RBFOX1: variants seen among roughly 807,000 people sequenced by gnomAD.
The protein encoded by RBFOX1 is RNA binding protein fox-1 homolog 1.
In RBFOX1, 8 loss-of-function variants were observed where a neutral mutation model predicts 57.7. That is an observed-to-expected ratio of 0.14 (90% CI 0.08 to 0.25). The LOEUF (loss-of-function observed/expected upper bound fraction) is 0.25, where lower values mean the gene tolerates loss of function less well. RBFOX1 is among the 10% of genes least tolerant of loss of function. RBFOX1 has a pLI of 1.00. For missense variants in RBFOX1, 611 were observed against 548.5 expected, an observed-to-expected ratio of 1.11 and a Z score of -1.14; for synonymous variants, 326 against 222.4, an observed-to-expected ratio of 1.47 and a Z score of -4.15.
chr16:7,339,585 A>G (rs944613145), intron 4 of RBFOX1, among the ~76,000 whole-genome samples: 3 of 152,116 alleles, frequency 2.0e-5, no homozygotes, highest in Admixed American at 6.6e-5. Flanking sequence ...GACCGTGGGC[A>G]TGCACCACCA....
chr16:7,160,842 C>CT (rs2078180754), intron 4 of RBFOX1, among the ~76,000 whole-genome samples: 1 of 150,144 alleles, frequency 6.7e-6, no homozygotes, highest in Admixed American at 6.7e-5. Context: ...CTCCTTCCTC[C>CT]TCCTCCTCCT....
chr16:7,451,504 A>C (rs989536687), intron 4 of RBFOX1, among the ~76,000 whole-genome samples: 1 of 152,088 alleles, frequency 6.6e-6, no homozygotes, highest in Admixed American at 6.6e-5. Context: ...TGGCAACTTC[A>C]TGTATCAACT....
intron 2 of RBFOX1, among the ~76,000 whole-genome samples, chr16:6,372,697 T>C (rs1468595017): frequency 1.3e-5 from 2 of 151,298 alleles, no homozygotes; most frequent in Non-Finnish European, 2.9e-5. Flanking sequence ...GATCTTTGGA[T>C]AGGAGGATAG....
chr16:5,680,325 T>C (rs1006848302), intron 3 of RBFOX1, among the ~76,000 whole-genome samples: 1 of 152,208 alleles, frequency 6.6e-6, no homozygotes, highest in Non-Finnish European at 1.5e-5. Flanking sequence ...GAAAAAAATC[T>C]TCACTTTGCG....
rs74004444 is a variant in RBFOX1, at chr16:5,637,801, G to A, written c.318+38840G>A. On this transcript the variant is annotated intron_variant, in intron 3 of 19. Transcript: ENST00000641259. ...TGAAGACCACCCTCCCTGGTAGTGT[G>A]GTGAGGAGGGAGGGCCACAGGGCTT... 7.1e-3 allele frequency among the ~76,000 whole-genome samples: 1,078 copies of A among 152,176 alleles called. 9 individuals are homozygous for A. The highest frequency in any genetic ancestry group is 0.025 in the African/African-American group (1,034 of 41,518).
Position 6,119,405 on chromosome 16 carries a change from A to G in RBFOX1, c.-127+99413A>G, listed in dbSNP as rs75547074. Among the ~76,000 whole-genome samples, 35 of 152,272 alleles carry G rather than the reference A, an allele frequency of 2.3e-4. No homozygotes were observed. The East Asian group carries it at 6.4e-3, about 28-fold the overall frequency. Reference sequence around the variant, plus strand: ...ATGTCTTTATATCTTATTACTAGTGATATTAGCCTTGATCACTTAGTTGAG... The same window carrying G: ...ATGTCTTTATATCTTATTACTAGTGGTATTAGCCTTGATCACTTAGTTGAG... On this transcript the variant is annotated intron_variant, in intron 1 of 15. Transcript: ENST00000550418.
intron 3 of RBFOX1, among the ~76,000 whole-genome samples, chr16:7,044,325 G>T (rs183520750): frequency 6.6e-6 from 1 of 152,334 alleles, no homozygotes; most frequent in African/African-American, 2.4e-5. Flanking sequence ...AGTCTGATGT[G>T]TGGGAGAGAA....
intron 2 of RBFOX1, among the ~76,000 whole-genome samples, chr16:6,582,924 T>TCTCCC (rs940442041): frequency 4.6e-5 from 7 of 150,988 alleles, no homozygotes; most frequent in African/African-American, 1.7e-4. Context: ...TTGCAATTTT[T>TCTCCC]CTCCCCTCCC....
chr16:7,207,917 C>G (rs1392513376), intron 4 of RBFOX1, among the ~76,000 whole-genome samples: 3 of 152,144 alleles, frequency 2.0e-5, no homozygotes, highest in Non-Finnish European at 2.9e-5. Flanking sequence ...CAGGGTGCAT[C>G]CTCTCCTTCC....
intron 1 of RBFOX1, among the ~76,000 whole-genome samples, chr16:5,465,352 A>C (rs372633858): frequency 8.8e-4 from 134 of 151,878 alleles, no homozygotes; most frequent in African/African-American, 3.0e-3. Context: ...GGCCCAGTCT[A>C]ACAGCCTCAT....
At chr16:7,601,141 A>T (rs1378356842) in intron 9 of RBFOX1, among the ~76,000 whole-genome samples, 2 of 152,128 alleles carry the variant, frequency 1.3e-5, no homozygotes, top group African/African-American at 4.8e-5. Flanking sequence ...GAAGGATGAA[A>T]ATGGGGCAAA....
intron 2 of RBFOX1, among the ~76,000 whole-genome samples, chr16:6,535,803 T>A (rs778484453): frequency 6.6e-6 from 1 of 152,202 alleles, no homozygotes. Context: ...CTGCCTATTT[T>A]TATATGTTAC....
chr16:5,368,167 GA>G (rs1250440099), intron 1 of RBFOX1, among the ~76,000 whole-genome samples: 4 of 152,222 alleles, frequency 2.6e-5, no homozygotes, highest in African/African-American at 9.6e-5. Flanking sequence ...CTATCTGTTT[GA>G]ATGATGTCAA....
chr16:6,439,644 G>C (rs1015142322), intron 2 of RBFOX1, among the ~76,000 whole-genome samples: 1 of 152,122 alleles, frequency 6.6e-6, no homozygotes, highest in Non-Finnish European at 1.5e-5. Context: ...ATTCTCTCCT[G>C]TGTGGCTCAG....
chr16:6,694,919 C>G (rs2060793361), intron 3 of RBFOX1, among the ~76,000 whole-genome samples: 1 of 151,876 alleles, frequency 6.6e-6, no homozygotes, highest in South Asian at 2.1e-4. Flanking sequence ...AGGACTAACA[C>G]TTGTCAGATC....
rs550244201 is a variant in RBFOX1, at chr16:6,774,908, T to C, written c.-16+120258T>C. On this transcript the variant is annotated intron_variant, in intron 3 of 15. Transcript: ENST00000550418. ...TTTAGTTAATATAAACTTAACCCCA[T>C]TGAGTAGTGGCTACCATATTGGACA... is the stretch of plus-strand genomic sequence containing the variant. 2.0e-5 allele frequency among the ~76,000 whole-genome samples: 3 copies of C among 152,204 alleles called. No individual in the cohort carries two copies. In the East Asian group the frequency reaches 5.8e-4, roughly 29 times the overall value.
intron 3 of RBFOX1, among the ~76,000 whole-genome samples, chr16:7,017,104 G>A (rs943326863): frequency 5.9e-5 from 9 of 152,004 alleles, no homozygotes; most frequent in African/African-American, 2.2e-4. Context: ...AAAGACAGAT[G>A]GTGGCAACCC....
intron 4 of RBFOX1, chr16:7,510,356 C>A (rs527937590): frequency 1.3e-4 from 127 of 982,828 alleles, no homozygotes; most frequent in Non-Finnish European, 1.5e-4. Flanking sequence ...CTCAAAATTG[C>A]GATTTGAATG....
At chr16:6,787,579 C>G (rs2082177330) in intron 3 of RBFOX1, among the ~76,000 whole-genome samples, 1 of 152,084 alleles carries the variant, frequency 6.6e-6, no homozygotes, top group African/African-American at 2.4e-5. Flanking sequence ...CGTAAATCAC[C>G]TGTGACACCC....
Sources: allele counts gnomAD v4.1 joint callset (sites outside exome capture counted in the v4.1 genomes callset), GRCh38; gene constraint gnomAD v4.1.1; transcripts MANE v1.5; gene names NCBI Gene and HGNC (gene_info 2026-07-23, HGNC 2026-07-21).